The following ADAM10 variants were observed in gnomAD, a reference collection of about 807,000 sequenced individuals.
ADAM10 encodes disintegrin and metalloproteinase domain-containing protein 10.
In ADAM10, 17 loss-of-function variants were observed where a neutral mutation model predicts 90.1. The observed-to-expected ratio is 0.19, with a 90% CI of 0.13 to 0.28. The LOEUF is 0.28. Among genes scored for constraint, ADAM10 ranks in the 10% least tolerant of loss-of-function variants. ADAM10 has a pLI of 1.00. For synonymous variants in ADAM10, 310 were observed against 298.6 expected (o/e 1.04, Z -0.40); for missense variants, 610 against 914.3 (o/e 0.67, Z 4.29).
chr15:58,695,250 G>A (rs958275703), intron 2 of ADAM10, among the ~76,000 whole-genome samples: 2 of 152,132 alleles, frequency 1.3e-5, no homozygotes, highest in Non-Finnish European at 2.9e-5. Context: ...AGCTACTGCT[G>A]TTAAGTAATC....
intron 2 of ADAM10, among the ~76,000 whole-genome samples, chr15:58,685,594 A>G (rs567290092): frequency 2.1e-5 from 3 of 145,478 alleles, no homozygotes; most frequent in East Asian, 4.0e-4. Context: ...GTATATATAC[A>G]TATCTCCACA....
Position 58,596,631 on chromosome 15 carries a change from T to C in ADAM10, c.*916A>G, listed in dbSNP as rs1486240542. ...GCTACAAATAAAAAGAATCATTTCA[T>C]TGACATAATTTCTATCAAAGCATGA... On this transcript the variant is annotated 3_prime_UTR_variant, in exon 16 of 16. Transcript: ENST00000260408. 6.6e-6 allele frequency: 1 copy of C among 152,526 alleles called. No individual in the cohort carries two copies. The highest frequency in any genetic ancestry group is 2.4e-5 in the African/African-American group (1 of 41,462). 9.4% of individuals were successfully genotyped at this position (152,526 alleles called of 1,614,324 possible). A position where few individuals can be genotyped will look rare whatever the true frequency, so the allele number is the denominator to read the frequency against.
chr15:58,695,476 T>C (rs1488232447), intron 2 of ADAM10, among the ~76,000 whole-genome samples: 2 of 152,204 alleles, frequency 1.3e-5, no homozygotes, highest in African/African-American at 2.4e-5. Context: ...ATCATTATCA[T>C]ATTTACACAT....
chr15:58,742,161 T>C (rs1275685944), intron 1 of ADAM10, among the ~76,000 whole-genome samples: 2 of 152,240 alleles, frequency 1.3e-5, no homozygotes, highest in African/African-American at 4.8e-5. Context: ...CTAACAGTCA[T>C]AGACACATAA....
At chr15:58,714,487 TATGTGAATAA>T (rs1212501976) in intron 2 of ADAM10, among the ~76,000 whole-genome samples, 1 of 152,068 alleles carries the variant, frequency 6.6e-6, no homozygotes, top group African/African-American at 2.4e-5. Context: ...TAAAGCCTAT[TATGTGAATAA>T]AAAAAATAAA....
intron 10 of ADAM10, among the ~76,000 whole-genome samples, chr15:58,622,914 CCA>C (rs1895829101): frequency 6.6e-6 from 1 of 152,186 alleles, no homozygotes; most frequent in Non-Finnish European, 1.5e-5. Context: ...TTGCTAGGGA[CCA>C]TATATCCCAG....
intron 2 of ADAM10, chr15:58,686,719 T>G (rs1420595674): frequency 3.1e-6 from 2 of 635,872 alleles, no homozygotes; most frequent in Non-Finnish European, 5.7e-6. Context: ...CTTTTAGAGA[T>G]ATTTCAGCCC....
intron 3 of ADAM10, among the ~76,000 whole-genome samples, chr15:58,680,185 A>G (rs778475470): frequency 2.6e-5 from 4 of 151,964 alleles, no homozygotes; most frequent in Non-Finnish European, 1.5e-5. Context: ...TGCAGTGACG[A>G]GCTCATGGCT....
intron 1 of ADAM10, among the ~76,000 whole-genome samples, chr15:58,718,150 AATAAAAATAAATAAAAAGT>A (rs1201820524): frequency 7.9e-5 from 12 of 152,058 alleles, no homozygotes; most frequent in Admixed American, 7.9e-4. Context: ...TAAAAAATAA[AATAAAAATAAATAAAAAGT>A]ATAAAAATAA....
At chr15:58,646,627 A>G (rs1896555211) in intron 5 of ADAM10, among the ~76,000 whole-genome samples, 1 of 152,206 alleles carries the variant, frequency 6.6e-6, no homozygotes, top group Non-Finnish European at 1.5e-5. Flanking sequence ...CTTGTTACCT[A>G]GAGTACTGCA....
At chr15:58,720,298 AT>A (rs1170976959) in intron 1 of ADAM10, among the ~76,000 whole-genome samples, 2 of 152,218 alleles carry the variant, frequency 1.3e-5, no homozygotes, top group Non-Finnish European at 2.9e-5. Flanking sequence ...GTCCAAAACT[AT>A]CTTCACAAGT....
intron 14 of ADAM10, among the ~76,000 whole-genome samples, chr15:58,601,009 T>A (rs1895092518): frequency 1.3e-5 from 2 of 152,062 alleles, no homozygotes; most frequent in Admixed American, 6.6e-5. Flanking sequence ...TTAATGAGAG[T>A]AATGCTAAAA....
At chr15:58,612,116 T>C (rs370759193) in intron 11 of ADAM10, 125 bp from the exon 12 acceptor site, 28 of 975,552 alleles carry the variant, frequency 2.9e-5, no homozygotes, top group South Asian at 2.2e-4. Context: ...GTCTCATCAC[T>C]TAAATGATAA....
chr15:58,696,069 T>C (rs191654331), intron 2 of ADAM10, among the ~76,000 whole-genome samples: 6 of 152,128 alleles, frequency 3.9e-5, no homozygotes, highest in Non-Finnish European at 7.4e-5. Context: ...TGAGCCAAGA[T>C]TGCACCACTG....
chr15:58,683,096 G>C (rs1287940061), intron 2 of ADAM10, among the ~76,000 whole-genome samples: 1 of 152,008 alleles, frequency 6.6e-6, no homozygotes. Flanking sequence ...TTAAATATTA[G>C]AGATTTTATA....
At chr15:58,650,158 A>G (rs1248602925) in intron 5 of ADAM10, among the ~76,000 whole-genome samples, 1 of 152,180 alleles carries the variant, frequency 6.6e-6, no homozygotes, top group Non-Finnish European at 1.5e-5. Flanking sequence ...TCTGTGTCAG[A>G]TAATTTTCTT....
At chr15:58,743,980 A>C (rs573133747) in intron 1 of ADAM10, among the ~76,000 whole-genome samples, 1 of 152,322 alleles carries the variant, frequency 6.6e-6, no homozygotes, top group African/African-American at 2.4e-5. Flanking sequence ...AGTATGTTTA[A>C]TACCAATAAT....
intron 1 of ADAM10, among the ~76,000 whole-genome samples, chr15:58,728,749 A>C (rs1244538461): frequency 2.0e-5 from 3 of 152,200 alleles, no homozygotes; most frequent in African/African-American, 7.2e-5. Context: ...AACAAAGACA[A>C]ATCAAAAAGA....
At chr15:58,700,482 C>T (rs1234921511) in intron 2 of ADAM10, among the ~76,000 whole-genome samples, 6 of 152,000 alleles carry the variant, frequency 3.9e-5, no homozygotes, top group African/African-American at 1.5e-4. Flanking sequence ...TGAAAGACAA[C>T]TGATCAAGAA....
Sources: allele counts gnomAD v4.1 joint callset (sites outside exome capture counted in the v4.1 genomes callset), GRCh38; gene constraint gnomAD v4.1.1; transcripts MANE v1.5; gene names NCBI Gene and HGNC (gene_info 2026-07-23, HGNC 2026-07-21).